The following GRIK3 variants were observed in gnomAD, a reference collection of about 807,000 sequenced individuals.
GRIK3 encodes glutamate receptor ionotropic, kainate 3.
GRIK3 carries 29 observed loss-of-function variants against 102.5 expected under a neutral mutation model. The observed-to-expected ratio is 0.28, with a 90% CI of 0.21 to 0.39. GRIK3 has a LOEUF of 0.39. Ranked by LOEUF, GRIK3 falls within the 10% of genes least tolerant of loss-of-function variation. GRIK3 has a pLI of 1.00. For missense variants in GRIK3, 908 were observed against 1,252.4 expected, an observed-to-expected ratio of 0.73 and a Z score of 4.15; for synonymous variants, 511 against 504.9, an observed-to-expected ratio of 1.01 and a Z score of -0.16.
chr1:36,901,624 A>G (rs1458448229), intron 1 of GRIK3, among the ~76,000 whole-genome samples: 1 of 152,344 alleles, frequency 6.6e-6, no homozygotes, highest in Non-Finnish European at 1.5e-5. Context: ...CATACATAAT[A>G]GTGAGAAACT....
At chr1:36,861,540 C>T (rs895612106) in intron 5 of GRIK3, among the ~76,000 whole-genome samples, 28 of 152,274 alleles carry the variant, frequency 1.8e-4, no homozygotes, top group African/African-American at 6.7e-4. Flanking sequence ...ATCACAGCCG[C>T]AGCTTTAGTG....
At chr1:36,881,007 G>A (rs1453463358) in intron 2 of GRIK3, 116 bp from the exon 3 acceptor site, 2 of 1,093,674 alleles carry the variant, frequency 1.8e-6, no homozygotes, top group South Asian at 1.6e-5. Flanking sequence ...CCCTCGGTGG[G>A]TGCACAATGG....
At chr1:36,883,507 T>G (rs572502469) in intron 2 of GRIK3, among the ~76,000 whole-genome samples, 6 of 152,320 alleles carry the variant, frequency 3.9e-5, no homozygotes, top group African/African-American at 1.4e-4. Flanking sequence ...CCTGCAAGTA[T>G]GGCTTTCCCT....
chr1:36,848,335 T>C (rs1570758171), intron 9 of GRIK3, among the ~76,000 whole-genome samples: 1 of 152,348 alleles, frequency 6.6e-6, no homozygotes, highest in East Asian at 1.9e-4. Context: ...CTCTTCCTAA[T>C]CTCTTAAATC....
rs112248071 is a variant in GRIK3 at position 36,866,890 on chromosome 1, G to T, written c.786+2858C>A. Among the ~76,000 whole-genome samples the T allele has an allele frequency of 7.9e-3, 1,201 of 152,306 alleles. 18 individuals carry two copies. Among genetic ancestry groups the T allele is most frequent in the African/African-American group, 0.025 (1,053 of 41,566 alleles). Reference sequence around the variant, plus strand: ...GTCCATCCATCTGTCCATCCATCCAGACATTAATGAGCACCTACCATGTGC... The same window carrying T: ...GTCCATCCATCTGTCCATCCATCCATACATTAATGAGCACCTACCATGTGC... On this transcript the variant is annotated intron_variant, in intron 5 of 15. Coordinates refer to ENST00000373091, the MANE Select transcript of GRIK3 (RefSeq NM_000831.4).
rs1362035910 is a variant in GRIK3 at position 37,034,299 on chromosome 1, C to T, written c.-191G>A. On this transcript the variant is annotated 5_prime_UTR_variant, in exon 1 of 16. Transcript: ENST00000373091. ...TACTGGGGGGCCGCCCCGCCGGCGCCCGCCCCGCCTGGCTGCCGCCCACGG... is the reference window on the plus strand; with the variant it reads ...TACTGGGGGGCCGCCCCGCCGGCGCTCGCCCCGCCTGGCTGCCGCCCACGG... 1.3e-5 allele frequency among the ~76,000 whole-genome samples: 2 copies of T among 149,482 alleles called. No individual in the cohort carries two copies. The highest frequency in any genetic ancestry group is 3.0e-5 in the Non-Finnish European group (2 of 67,040).
intron 8 of GRIK3, among the ~76,000 whole-genome samples, chr1:36,852,519 A>G (rs1640597317): frequency 6.6e-6 from 1 of 152,206 alleles, no homozygotes; most frequent in South Asian, 2.1e-4. Flanking sequence ...ATGACTTGGC[A>G]CTAGGGAGCC....
intron 8 of GRIK3, among the ~76,000 whole-genome samples, chr1:36,852,811 C>T (rs1640600581): frequency 6.6e-6 from 1 of 152,178 alleles, no homozygotes; most frequent in Non-Finnish European, 1.5e-5. Flanking sequence ...CAGGGACCCA[C>T]TTGCTGGGGA....
chr1:36,879,160 C>A (rs748444460), intron 3 of GRIK3, among the ~76,000 whole-genome samples: 4 of 151,938 alleles, frequency 2.6e-5, no homozygotes, highest in Admixed American at 1.3e-4. Flanking sequence ...TATGTTGTCC[C>A]GTTTGTGTTT....
At chr1:36,967,336 G>A (rs2124354022) in intron 1 of GRIK3, among the ~76,000 whole-genome samples, 1 of 152,346 alleles carries the variant, frequency 6.6e-6, no homozygotes, top group South Asian at 2.1e-4. Flanking sequence ...TCACTCTGAA[G>A]CTTTTCTCTG....
chr1:36,944,858 C>G (rs141061134), intron 1 of GRIK3, among the ~76,000 whole-genome samples: 1 of 152,338 alleles, frequency 6.6e-6, no homozygotes, highest in Non-Finnish European at 1.5e-5. Flanking sequence ...CAGTCCACAC[C>G]TGGCAGAGGA....
At chr1:36,814,779 A>G (rs1642605761) in intron 13 of GRIK3, among the ~76,000 whole-genome samples, 1 of 151,882 alleles carries the variant, frequency 6.6e-6, no homozygotes, top group African/African-American at 2.4e-5. Context: ...AGACATACCC[A>G]TGAGGATATC....
At chr1:36,822,797 T>G (rs942735249) in intron 11 of GRIK3, among the ~76,000 whole-genome samples, 4 of 152,148 alleles carry the variant, frequency 2.6e-5, no homozygotes, top group Admixed American at 6.5e-5. Context: ...GTCAGGCACT[T>G]AGGATCATCC....
intron 1 of GRIK3, among the ~76,000 whole-genome samples, chr1:36,921,729 G>T (rs1641475848): frequency 6.6e-6 from 1 of 152,026 alleles, no homozygotes; most frequent in Admixed American, 6.5e-5. Context: ...TCTTAGGGAA[G>T]TACATAAAAT....
intron 9 of GRIK3, among the ~76,000 whole-genome samples, chr1:36,849,490 G>C (rs1349386756): frequency 6.6e-6 from 1 of 152,216 alleles, no homozygotes; most frequent in Non-Finnish European, 1.5e-5. Flanking sequence ...GTCCTCAAAG[G>C]GTCTTCAGTC....
chr1:36,978,583 T>C (rs1160167677), intron 1 of GRIK3, among the ~76,000 whole-genome samples: 1 of 152,318 alleles, frequency 6.6e-6, no homozygotes, highest in African/African-American at 2.4e-5. Context: ...TAGGCAGACC[T>C]AGGGTGGGCT....
At chr1:36,892,813 T>C (rs1419550925) in intron 1 of GRIK3, among the ~76,000 whole-genome samples, 1 of 152,204 alleles carries the variant, frequency 6.6e-6, no homozygotes, top group Non-Finnish European at 1.5e-5. Context: ...AAATTCATGT[T>C]CTAATAGCAT....
At chr1:36,889,778 T>C (rs529236514) in intron 2 of GRIK3, among the ~76,000 whole-genome samples, 52 of 152,206 alleles carry the variant, frequency 3.4e-4, no homozygotes, top group Non-Finnish European at 5.7e-4. Flanking sequence ...AGGGAGTCAT[T>C]GTATTATTTT....
chr1:36,942,932 C>T (rs1185372650), intron 1 of GRIK3, among the ~76,000 whole-genome samples: 1 of 152,130 alleles, frequency 6.6e-6, no homozygotes, highest in Non-Finnish European at 1.5e-5. Flanking sequence ...TCATTGCAGA[C>T]TCCCCCCACC....
Sources: allele counts gnomAD v4.1 joint callset (sites outside exome capture counted in the v4.1 genomes callset), GRCh38; gene constraint gnomAD v4.1.1; transcripts MANE v1.5; gene names NCBI Gene and HGNC (gene_info 2026-07-23, HGNC 2026-07-21).